ALPK2: variants seen among roughly 807,000 people sequenced by gnomAD.
ALPK2 encodes the protein alpha-protein kinase 2.
In ALPK2, 127 loss-of-function variants were observed where a neutral mutation model predicts 163.1. The observed-to-expected ratio is 0.78, with a 90% confidence interval of 0.67 to 0.90. The LOEUF (loss-of-function observed/expected upper bound fraction) is 0.90. Among genes scored for constraint, ALPK2 ranks in the 40% least tolerant of loss-of-function variants. The probability of loss-of-function intolerance (pLI) is 0.00; values close to 1 mark genes in which losing one functional copy is unlikely to be tolerated. For synonymous variants in ALPK2, 953 were observed against 959.1 expected (o/e 0.99, Z 0.12); for missense variants, 2,360 against 2,589.6 (o/e 0.91, Z 1.92).
intron 1 of ALPK2, among the ~76,000 whole-genome samples, chr18:58,621,162 A>C (rs1023681313): frequency 6.6e-6 from 1 of 151,784 alleles, no homozygotes; most frequent in East Asian, 1.9e-4. Flanking sequence ...CAAAACAAAA[A>C]AAAAAAAATG....
chr18:58,577,400 T>C (rs7505392), intron 4 of ALPK2, among the ~76,000 whole-genome samples: 74,384 of 152,056 alleles, frequency 0.49, 18,273 homozygotes, highest in East Asian at 0.59. Flanking sequence ...ATTTGTCCAG[T>C]GAAACACTTT....
rs1208376702 is a variant in ALPK2 at position 58,538,161 on chromosome 18, G to A, written c.2026C>T (p.Pro676Ser). The change falls in exon 5 of 13, where the codon CCT (proline) becomes TCT (serine). Residue 676 changes from proline to serine, a missense_variant. Pro to Ser is a moderately conservative substitution (Grantham distance 74, BLOSUM62 -1). Coordinates refer to ENST00000361673, the MANE Select transcript of ALPK2 (RefSeq NM_052947.4). ...GTGAATGGGGACTCCTCCCCAGCAG[G>A]CTCTGAGAAAGCTGGCATCTGGCTG... is the stretch of plus-strand genomic sequence containing the variant. ...SCSQMPAFSE[P>S]AGEESPFTGT... 2 of 1,613,730 alleles carry A rather than the reference G, an allele frequency of 1.2e-6. No individual in the cohort carries two copies. The highest frequency in any genetic ancestry group is 2.2e-5 in the East Asian group (1 of 44,878).
intron 1 of ALPK2, among the ~76,000 whole-genome samples, chr18:58,617,630 T>G (rs940165061): frequency 6.6e-6 from 1 of 152,222 alleles, no homozygotes; most frequent in African/African-American, 2.4e-5. Flanking sequence ...AGAGGAAGAA[T>G]CTGGTATCCT....
rs536083293 is a variant in ALPK2 at position 58,606,064 on chromosome 18, G to A, written c.227+1258C>T. On this transcript the variant is annotated intron_variant, in intron 3 of 12. Transcript: ENST00000361673. ...CAACCTTGGTAAAATGATGTCTGAT[G>A]TTTATTATTTATTTACATATTTACT... 2.0e-5 allele frequency among the ~76,000 whole-genome samples: 3 copies of A among 152,286 alleles called. No individual in the cohort carries two copies. In the East Asian group the frequency reaches 5.8e-4, roughly 29 times the overall value.
chr18:58,559,879 C>T (rs1168475660), intron 4 of ALPK2, among the ~76,000 whole-genome samples: 1 of 152,220 alleles, frequency 6.6e-6, no homozygotes, highest in Non-Finnish European at 1.5e-5. Flanking sequence ...AAATTACCTA[C>T]TCTGTCTGTT....
intron 4 of ALPK2, among the ~76,000 whole-genome samples, chr18:58,566,843 G>A (rs1350611908): frequency 1.3e-5 from 2 of 152,156 alleles, no homozygotes; most frequent in African/African-American, 2.4e-5. Flanking sequence ...TTACACTTGA[G>A]GAGCCTAAAT....
intron 5 of ALPK2, among the ~76,000 whole-genome samples, chr18:58,529,536 T>C (rs2051601453): frequency 6.6e-6 from 1 of 152,218 alleles, no homozygotes; most frequent in African/African-American, 2.4e-5. Flanking sequence ...GGGAGGATTT[T>C]AGATATCTAT....
At chr18:58,493,088 G>T (rs1219356837) in intron 12 of ALPK2, among the ~76,000 whole-genome samples, 1 of 152,182 alleles carries the variant, frequency 6.6e-6, no homozygotes, top group African/African-American at 2.4e-5. Flanking sequence ...ATGGGATGCA[G>T]GTGGCCTTCC....
intron 11 of ALPK2, 36 bp from the exon 12 acceptor site, chr18:58,498,133 T>C (rs1214127473): frequency 3.1e-6 from 5 of 1,610,512 alleles, no homozygotes; most frequent in Non-Finnish European, 4.2e-6. Context: ...GAGTTTGTGT[T>C]ACTCAGGGCC....
chr18:58,579,335 T>C lies in ALPK2; in HGVS notation c.1441A>G (p.Ser481Gly). 6.2e-7 allele frequency: 1 copy of C among 1,614,234 alleles called. No individual in the cohort carries two copies. The highest frequency in any genetic ancestry group is 8.5e-7 in the Non-Finnish European group (1 of 1,180,032). ...DSHQAREEFA[S>G]DNLLNMDESV... Reference sequence around the variant, plus strand: ...TCATCCATGTTGAGCAGATTGTCACTGGCAAATTCCTCTCTTGCTTGGTGG... The same window carrying C: ...TCATCCATGTTGAGCAGATTGTCACCGGCAAATTCCTCTCTTGCTTGGTGG... The change falls in exon 4 of 13, where the codon AGT becomes GGT. Residue 481 changes from serine to glycine, a missense_variant. Ser to Gly is a moderately conservative substitution (Grantham distance 56). Transcript: ENST00000361673.
chr18:58,553,788 G>C (rs1338831529), intron 4 of ALPK2, among the ~76,000 whole-genome samples: 1 of 147,022 alleles, frequency 6.8e-6, no homozygotes. Context: ...TGAACTGTGA[G>C]TCATATTAAA....
chr18:58,596,221 G>A (rs1309798298), intron 3 of ALPK2, among the ~76,000 whole-genome samples: 5 of 152,328 alleles, frequency 3.3e-5, no homozygotes, highest in South Asian at 2.1e-4. Flanking sequence ...GAAGAAGCCC[G>A]TCACAAGTCA....
chr18:58,607,487 G>GAA, intron 2 of ALPK2, 48 bp from the exon 3 acceptor site: 1 of 1,223,872 alleles, frequency 8.2e-7, no homozygotes, highest in Admixed American at 2.7e-5. Context: ...AGTATTTTTA[G>GAA]GAAAAAAAAA....
chr18:58,570,115 G>C (rs1363562677), intron 4 of ALPK2, among the ~76,000 whole-genome samples: 2 of 135,310 alleles, frequency 1.5e-5, no homozygotes, highest in African/African-American at 5.8e-5. Flanking sequence ...GGGTGACAGA[G>C]CGAGACTCCG....
chr18:58,580,504 T>C lies in ALPK2; in HGVS notation c.272A>G (p.Asn91Ser). The C allele has an allele frequency of 6.2e-7, 1 of 1,613,286 alleles. No individual in the cohort carries two copies. The highest frequency in any genetic ancestry group is 8.5e-7 in the Non-Finnish European group (1 of 1,179,806). The change falls in exon 4 of 13, where the codon AAC becomes AGC. Residue 91 changes from asparagine (N) to serine (S), a missense_variant. Asn to Ser is a conservative substitution (Grantham distance 46). Transcript: ENST00000361673. ...DAAVYQISAK[N>S]SFGMICCSAS... is the part of the protein sequence containing the mutation. ...AGAACAACAGATCATTCCAAAAGAG[T>C]TTTTAGCCGAGATTTGATAGACAGC...
At chr18:58,599,004 A>G (rs936738222) in intron 3 of ALPK2, among the ~76,000 whole-genome samples, 1 of 152,084 alleles carries the variant, frequency 6.6e-6, no homozygotes, top group East Asian at 1.9e-4. Context: ...CCTTTCCCTG[A>G]CTGTCCCAAA....
At chr18:58,597,853 A>G (rs2052048777) in intron 3 of ALPK2, among the ~76,000 whole-genome samples, 1 of 152,242 alleles carries the variant, frequency 6.6e-6, no homozygotes, top group Non-Finnish European at 1.5e-5. Context: ...TGGGGCCCTC[A>G]TGACAGGATT....
intron 4 of ALPK2, 81 bp downstream of exon 4, chr18:58,578,733 G>GACACACAC (rs71173065): frequency 0.015 from 7,803 of 531,504 alleles, 172 homozygotes; most frequent in East Asian, 0.043. Flanking sequence ...TAAAGGAAGA[G>GACACACAC]ACACACACAC....
At chr18:58,503,434 G>T (rs1381856836) in intron 11 of ALPK2, among the ~76,000 whole-genome samples, 2 of 152,212 alleles carry the variant, frequency 1.3e-5, no homozygotes, top group Admixed American at 6.5e-5. Flanking sequence ...GCTGACGCCT[G>T]TAATCCCAAC....
Sources: gnomAD v4.1 joint callset for allele counts (sites outside exome capture counted in the v4.1 genomes callset) on GRCh38, gnomAD v4.1.1 for gene constraint, MANE v1.5 for transcripts, NCBI Gene and HGNC (gene_info 2026-07-23, HGNC 2026-07-21) for gene names.